The following ZNF573 variants were observed in gnomAD, a reference collection of about 807,000 sequenced individuals.
The protein encoded by ZNF573 is zinc finger protein 573.
A neutral mutation model predicts 57.4 loss-of-function variants in ZNF573; 41 were observed. That is an observed-to-expected ratio of 0.71 (90% CI 0.56 to 0.93). The LOEUF is 0.93. Ranked by LOEUF, ZNF573 falls within the 40% of genes least tolerant of loss-of-function variation. The probability of loss-of-function intolerance (pLI) is 0.00; values close to 1 mark genes in which losing one functional copy is unlikely to be tolerated. For synonymous variants in ZNF573, 249 were observed against 261.0 expected, an observed-to-expected ratio of 0.95 and a Z score of 0.44; for missense variants, 730 against 794.8, an observed-to-expected ratio of 0.92 and a Z score of 0.98.
At chr19:37,753,628 C>G (rs976701524) in intron 4 of ZNF573, among the ~76,000 whole-genome samples, 17 of 152,188 alleles carry the variant, frequency 1.1e-4, no homozygotes, top group African/African-American at 3.9e-4. Flanking sequence ...TGGACATTAT[C>G]AGCACATGAA....
chr19:37,746,820 G>A (rs558870133), intron 4 of ZNF573, among the ~76,000 whole-genome samples: 3 of 152,234 alleles, frequency 2.0e-5, no homozygotes, highest in South Asian at 2.1e-4. Context: ...TCCTGACCTC[G>A]TGATCTGCCC....
intron 2 of ZNF573, among the ~76,000 whole-genome samples, chr19:37,771,906 C>T (rs2045662993): frequency 6.6e-6 from 1 of 152,086 alleles, no homozygotes; most frequent in Non-Finnish European, 1.5e-5. Flanking sequence ...ATCCTATTGC[C>T]ACAGACAAAT....
intron 4 of ZNF573, chr19:37,755,261 C>T (rs1350655631): frequency 6.6e-6 from 1 of 152,276 alleles, no homozygotes; most frequent in African/African-American, 2.4e-5. Context: ...AGCCACCGCA[C>T]CTGGCCCAAT....
At chr19:37,741,596 T>C (rs187478470) in intron 4 of ZNF573, among the ~76,000 whole-genome samples, 39 of 152,286 alleles carry the variant, frequency 2.6e-4, no homozygotes, top group Non-Finnish European at 4.7e-4. Context: ...ATTATCTCAA[T>C]AGATACAGAA....
At chr19:37,752,055 T>G (rs931199146) in intron 4 of ZNF573, among the ~76,000 whole-genome samples, 5 of 151,432 alleles carry the variant, frequency 3.3e-5, no homozygotes, top group African/African-American at 1.2e-4. Flanking sequence ...GTACAGTATA[T>G]AGACAGAAAG....
chr19:37,744,359 G>C (rs185098907), intron 4 of ZNF573, among the ~76,000 whole-genome samples: 1 of 152,130 alleles, frequency 6.6e-6, no homozygotes, highest in Admixed American at 6.5e-5. Flanking sequence ...ATGAGAAGGA[G>C]GGAGCACCTA....
In ZNF573 at chr19:37,739,513, C is replaced by T; in HGVS notation, c.977G>A (p.Gly326Asp). ...QLTVHQRVHT[G>D]KKPYECKECG... Reference sequence around the variant, plus strand: ...TTCTTTACACTCATATGGCTTTTTACCAGTGTGAACTCTCTGATGTACAGT... The same window carrying T: ...TTCTTTACACTCATATGGCTTTTTATCAGTGTGAACTCTCTGATGTACAGT... The change falls in exon 5 of 5, where the codon GGT becomes GAT. Residue 326 changes from glycine to aspartate, a missense_variant. Coordinates refer to ENST00000536220, the MANE Select transcript of ZNF573 (RefSeq NM_001172690.2). 1 of 1,612,692 alleles carries T rather than the reference C, an allele frequency of 6.2e-7. No individual in the cohort carries two copies.
At chr19:37,761,743 A>T (rs1258320236) in intron 4 of ZNF573, among the ~76,000 whole-genome samples, 2 of 152,118 alleles carry the variant, frequency 1.3e-5, no homozygotes, top group Admixed American at 6.6e-5. Context: ...TTTTTGCCCA[A>T]TCCTGTTTCT....
At chr19:37,743,162 C>CA (rs1230358117) in intron 4 of ZNF573, among the ~76,000 whole-genome samples, 2 of 151,232 alleles carry the variant, frequency 1.3e-5, no homozygotes, top group Non-Finnish European at 3.0e-5. Context: ...ACTAAAAGCA[C>CA]AAAAAAAATT....
In ZNF573 at chr19:37,748,317, T is replaced by C. The variant is rs543665079; in HGVS notation, c.296-8123A>G. ...ACAATGGTGGAAAGTGGGAGAGATG[T>C]ATACAGGAAATCTCTGTATTATCTT... On this transcript the variant is annotated intron_variant, in intron 4 of 4. Coordinates refer to ENST00000536220, the MANE Select transcript of ZNF573 (RefSeq NM_001172690.2). Among the ~76,000 whole-genome samples the C allele has an allele frequency of 1.2e-4, 18 of 152,342 alleles. No homozygotes were observed. In the South Asian group the frequency reaches 3.7e-3, roughly 32 times the overall value.
chr19:37,757,409 T>C (rs937012787), intron 4 of ZNF573, among the ~76,000 whole-genome samples: 6 of 151,638 alleles, frequency 4.0e-5, no homozygotes, highest in Non-Finnish European at 7.4e-5. Flanking sequence ...GTGTTAGCCA[T>C]GATGGTCTCG....
chr19:37,739,988 C>T lies in ZNF573; in HGVS notation c.502G>A (p.Gly168Arg). The part of the protein sequence containing the change: ...IERPYECKEC[G>R]KNFRSGYQLT... ...TGATAGCCACTACGAAAGTTCTTCC[C>T]ACACTCTTTGCATTCATAGGGTCTC... is the stretch of plus-strand genomic sequence containing the variant. Residue 168 changes from glycine to arginine, a missense_variant, in exon 5 of 5, where the codon GGG (glycine) becomes AGG (arginine). Physicochemically the swap from Gly to Arg is moderately radical, Grantham distance 125. Transcript: ENST00000536220. 6.2e-7 allele frequency: 1 copy of T among 1,614,140 alleles called. No homozygotes were observed. Among genetic ancestry groups the T allele is most frequent in the Non-Finnish European group, 8.5e-7 (1 of 1,180,004 alleles).
At chr19:37,761,422 C>G (rs898707060) in intron 4 of ZNF573, among the ~76,000 whole-genome samples, 1 of 152,100 alleles carries the variant, frequency 6.6e-6, no homozygotes, top group Admixed American at 6.6e-5. Flanking sequence ...CCATTCTCCC[C>G]CTAGGCTAAC....
intron 1 of ZNF573, among the ~76,000 whole-genome samples, chr19:37,777,571 C>T (rs1242664990): frequency 6.6e-6 from 1 of 152,044 alleles, no homozygotes; most frequent in African/African-American, 2.4e-5. Context: ...TACATGTTCT[C>T]ATTTATGAGT....
At chr19:37,748,015 C>T (rs1188171267) in intron 4 of ZNF573, among the ~76,000 whole-genome samples, 1 of 152,194 alleles carries the variant, frequency 6.6e-6, no homozygotes, top group East Asian at 1.9e-4. Context: ...CTACTACTTC[C>T]AGCCTAATTA....
At chr19:37,745,563 T>C (rs1053700070) in intron 4 of ZNF573, among the ~76,000 whole-genome samples, 2 of 152,010 alleles carry the variant, frequency 1.3e-5, no homozygotes, top group African/African-American at 4.8e-5. Flanking sequence ...GCCCAGCTAA[T>C]TTTTGTATTT....
chr19:37,757,357 C>T (rs1046389166), intron 4 of ZNF573, among the ~76,000 whole-genome samples: 20 of 152,032 alleles, frequency 1.3e-4, no homozygotes, highest in Admixed American at 5.9e-4. Flanking sequence ...CCACCGCGCC[C>T]GGCTAATTTT....
Position 37,773,558 on chromosome 19 carries a change from A to C in ZNF573, c.69+103T>G, listed in dbSNP as rs1383027918. 5 of 811,520 alleles carry C rather than the reference A, an allele frequency of 6.2e-6. No individual in the cohort carries two copies. The African/African-American group carries it at 8.6e-5, about 14-fold the overall frequency. The allele number at this position is 811,520 out of a possible 1,614,324, so 50.3% of individuals were successfully genotyped here. A position where few individuals can be genotyped will look rare whatever the true frequency, so the allele number is the denominator to read the frequency against. The stretch of plus-strand genomic sequence containing the variant: ...CAATATTAGAAGAAAGTGGGGACAG[A>C]TAACTGAAGGAGGCCTTCTTAAATA... On this transcript the variant is annotated intron_variant, in intron 2 of 4. Coordinates refer to ENST00000536220, the MANE Select transcript of ZNF573 (RefSeq NM_001172690.2).
chr19:37,756,133 T>G (rs1053963234), intron 4 of ZNF573, among the ~76,000 whole-genome samples: 1 of 152,228 alleles, frequency 6.6e-6, no homozygotes, highest in African/African-American at 2.4e-5. Context: ...AGAGTTGTTA[T>G]ATCTCAGTAA....
Sources: allele counts gnomAD v4.1 joint callset (sites outside exome capture counted in the v4.1 genomes callset), GRCh38; gene constraint gnomAD v4.1.1; transcripts MANE v1.5; gene names NCBI Gene and HGNC (gene_info 2026-07-23, HGNC 2026-07-21).